NRXN3: variants seen among roughly 807,000 people sequenced by gnomAD.
NRXN3 encodes the protein neurexin 3, also known as neurexin III.
In NRXN3, 32 loss-of-function variants were observed where a neutral mutation model predicts 137.6. That is an observed-to-expected ratio of 0.23 (90% CI 0.18 to 0.31). The LOEUF is 0.31. Among genes scored for constraint, NRXN3 ranks in the 10% least tolerant of loss-of-function variants. The pLI is 1.00. For synonymous variants in NRXN3, 798 were observed against 784.5 expected (o/e 1.02, Z -0.29); for missense variants, 1,574 against 2,062.5 (o/e 0.76, Z 4.59).
intron 6 of NRXN3, chr14:78,695,685 A>G (rs2098218744): frequency 6.6e-6 from 1 of 151,994 alleles, no homozygotes; most frequent in Admixed American, 6.6e-5. Context: ...TGTTGTGGGT[A>G]GATTGTGGTC....
intron 19 of NRXN3, among the ~76,000 whole-genome samples, chr14:79,760,475 G>T (rs1425128825): frequency 6.8e-6 from 1 of 147,270 alleles, no homozygotes; most frequent in Non-Finnish European, 1.5e-5. Context: ...TTGGCCCGTG[G>T]TATTCTCTTT....
intron 5 of NRXN3, among the ~76,000 whole-genome samples, chr14:78,648,282 G>A (rs1351080672): frequency 6.6e-6 from 1 of 152,170 alleles, no homozygotes; most frequent in Non-Finnish European, 1.5e-5. Context: ...AACTTTCATT[G>A]CTTTACCTCT....
At chr14:78,504,021 T>C (rs549061754) in intron 4 of NRXN3, among the ~76,000 whole-genome samples, 6 of 152,304 alleles carry the variant, frequency 3.9e-5, no homozygotes, top group African/African-American at 1.4e-4. Flanking sequence ...GGAAGTTTAA[T>C]GGAGGAGTCT....
intron 4 of NRXN3, among the ~76,000 whole-genome samples, chr14:78,516,105 A>C (rs2096202260): frequency 6.6e-6 from 1 of 152,048 alleles, no homozygotes; most frequent in Admixed American, 6.6e-5. Flanking sequence ...TGCCATAATA[A>C]TTAACATTGC....
chr14:79,768,062 G>C (rs879905812), intron 19 of NRXN3, among the ~76,000 whole-genome samples: 4 of 152,168 alleles, frequency 2.6e-5, no homozygotes, highest in Non-Finnish European at 5.9e-5. Flanking sequence ...GTGCTTTTCC[G>C]ACGGGCTTAA....
intron 15 of NRXN3, among the ~76,000 whole-genome samples, chr14:79,069,090 C>T (rs189934303): frequency 5.3e-4 from 81 of 152,076 alleles, no homozygotes; most frequent in Non-Finnish European, 8.4e-4. Context: ...AATTTCTCTC[C>T]AGGGCATTGA....
chr14:79,820,469 A>C (rs2099268233), intron 20 of NRXN3, among the ~76,000 whole-genome samples: 1 of 152,296 alleles, frequency 6.6e-6, no homozygotes, highest in Admixed American at 6.5e-5. Context: ...TACCAGCCAG[A>C]TTTAGTACTA....
intron 19 of NRXN3, among the ~76,000 whole-genome samples, chr14:79,747,449 G>A (rs566103027): frequency 4.9e-4 from 75 of 152,172 alleles, no homozygotes; most frequent in African/African-American, 1.7e-3. Context: ...TAGTGCAGTG[G>A]GAGAACCCTG....
chr14:79,036,569 T>C (rs919698202), intron 15 of NRXN3, among the ~76,000 whole-genome samples: 2 of 150,422 alleles, frequency 1.3e-5, no homozygotes, highest in East Asian at 1.9e-4. Context: ...TCATCATTAT[T>C]TTATTGTATT....
chr14:78,455,309 A>C (rs541255556), intron 4 of NRXN3, among the ~76,000 whole-genome samples: 1 of 152,244 alleles, frequency 6.6e-6, no homozygotes, highest in African/African-American at 2.4e-5. Context: ...CTTTCAGTCC[A>C]GTTTTACCTG....
chr14:78,809,140 C>T (rs1268916039), intron 9 of NRXN3, among the ~76,000 whole-genome samples: 1 of 152,020 alleles, frequency 6.6e-6, no homozygotes, highest in Non-Finnish European at 1.5e-5. Context: ...TCAAGGACTT[C>T]TATGTTGTGT....
intron 19 of NRXN3, among the ~76,000 whole-genome samples, chr14:79,700,326 A>G (rs974399774): frequency 6.6e-6 from 1 of 152,008 alleles, no homozygotes; most frequent in African/African-American, 2.4e-5. Flanking sequence ...GTGAGTGGGG[A>G]AAAAAAGGTA....
At chr14:79,805,055 A>ATC in intron 19 of NRXN3, 57 bp from the exon 20 acceptor site, 1 of 1,198,350 alleles carries the variant, frequency 8.3e-7, no homozygotes. Context: ...TAGTTTCCTT[A>ATC]TCTCTCTCTC....
chr14:78,998,816 C>G (rs1180365143), intron 15 of NRXN3, among the ~76,000 whole-genome samples: 1 of 143,426 alleles, frequency 7.0e-6, no homozygotes, highest in Non-Finnish European at 1.5e-5. Context: ...GTTGGCCAGG[C>G]TGGTCTTGAA....
chr14:79,670,458 T>G (rs1391052329), intron 17 of NRXN3, among the ~76,000 whole-genome samples: 1 of 152,070 alleles, frequency 6.6e-6, no homozygotes, highest in Non-Finnish European at 1.5e-5. Flanking sequence ...GTCGAGAAGT[T>G]TCTCTATGCT....
At chr14:78,612,857 G>A (rs1159819987) in intron 4 of NRXN3, among the ~76,000 whole-genome samples, 1 of 151,706 alleles carries the variant, frequency 6.6e-6, no homozygotes, top group Non-Finnish European at 1.5e-5. Flanking sequence ...GTTCTGTGGT[G>A]GTGAGAAAGC....
intron 10 of NRXN3, among the ~76,000 whole-genome samples, chr14:78,858,475 T>C (rs906325984): frequency 6.6e-6 from 1 of 152,128 alleles, no homozygotes; most frequent in Non-Finnish European, 1.5e-5. Context: ...AAGAAAGAGG[T>C]AAAGATGAAG....
intron 19 of NRXN3, among the ~76,000 whole-genome samples, chr14:79,719,129 CTT>C (rs2098833617): frequency 6.6e-6 from 1 of 152,058 alleles, no homozygotes; most frequent in African/African-American, 2.4e-5. Context: ...CCCTTCGTCC[CTT>C]TGTTTGAAAT....
intron 16 of NRXN3, among the ~76,000 whole-genome samples, chr14:79,537,415 A>G (rs919252495): frequency 3.3e-5 from 5 of 151,936 alleles, no homozygotes; most frequent in Non-Finnish European, 7.4e-5. Flanking sequence ...AACATTAGGT[A>G]TATCTCCTAA....
Sources: gnomAD v4.1 joint callset for allele counts (sites outside exome capture counted in the v4.1 genomes callset) on GRCh38, gnomAD v4.1.1 for gene constraint, MANE v1.5 for transcripts, NCBI Gene and HGNC (gene_info 2026-07-23, HGNC 2026-07-21) for gene names.